The following ABI3BP variants were observed in gnomAD, a reference collection of about 807,000 sequenced individuals.
ABI3BP encodes ABI family member 3 binding protein.
ABI3BP carries 216 observed loss-of-function variants against 268.6 expected under a neutral mutation model. That is an observed-to-expected ratio of 0.80 (90% CI 0.72 to 0.90). The LOEUF (loss-of-function observed/expected upper bound fraction) is 0.90, where lower values mean the gene tolerates loss of function less well. ABI3BP is among the 40% of genes least tolerant of loss of function. The pLI, the probability that ABI3BP is intolerant of heterozygous loss-of-function variation, is 0.00. For missense variants in ABI3BP, 2,090 were observed against 2,182.4 expected, an observed-to-expected ratio of 0.96 and a Z score of 0.84; for synonymous variants, 730 against 730.0, an observed-to-expected ratio of 1.00 and a Z score of 0.00.
chr3:100,844,780 A>G (rs1448474164), intron 20 of ABI3BP, among the ~76,000 whole-genome samples: 1 of 152,194 alleles, frequency 6.6e-6, no homozygotes, highest in Non-Finnish European at 1.5e-5. Flanking sequence ...TTAGAGGAAA[A>G]GGGGTGGATT....
At chr3:100,898,931 C>T (rs1192722162) in intron 3 of ABI3BP, 37 bp from the exon 4 acceptor site, 1 of 1,549,442 alleles carries the variant, frequency 6.5e-7, no homozygotes, top group Non-Finnish European at 8.7e-7. Context: ...ATTCAGGAGA[C>T]ATTTAGTAAG....
chr3:100,778,259 A>G (rs2150195835), intron 59 of ABI3BP, 25 bp downstream of exon 59: 2 of 1,606,734 alleles, frequency 1.2e-6, no homozygotes, highest in Non-Finnish European at 1.7e-6. Flanking sequence ...CATGGCGGGA[A>G]AAGGAAGGTA....
chr3:100,910,547 T>A (rs73143026), intron 2 of ABI3BP, among the ~76,000 whole-genome samples: 37,442 of 150,082 alleles, frequency 0.25, 5,185 homozygotes, highest in Non-Finnish European at 0.33. Flanking sequence ...CCTTTTTTTT[T>A]AAAAAAAAAA....
intron 63 of ABI3BP, among the ~76,000 whole-genome samples, chr3:100,759,470 G>A (rs1376375859): frequency 3.3e-5 from 5 of 152,066 alleles, no homozygotes; most frequent in African/African-American, 9.7e-5. Flanking sequence ...ACAAAATAAG[G>A]CTAAATCAGG....
In ABI3BP at chr3:100,752,921, C is replaced by G; in HGVS notation, c.4988G>C (p.Arg1663Thr). The G allele has an allele frequency of 6.2e-7, 1 of 1,613,132 alleles. No homozygotes were observed. Among genetic ancestry groups the G allele is most frequent in the South Asian group, 1.1e-5 (1 of 91,004 alleles). ...TGAGTAAGAGTCTGAATTAAAGGGT[C>G]TTTCAGTCCAGATGGCATCTCTTCC... is the stretch of plus-strand genomic sequence containing the variant. ...SAGRDAIWTE[R>T]PFNSDSYSEC... Residue 1663 changes from arginine (R) to threonine (T), a missense_variant, in exon 66 of 68, where the codon AGA becomes ACA. Transcript: ENST00000471714.
chr3:100,973,425 C>T (rs997755914), intron 1 of ABI3BP, among the ~76,000 whole-genome samples: 1 of 152,064 alleles, frequency 6.6e-6, no homozygotes, highest in Non-Finnish European at 1.5e-5. Context: ...TAATGAGAAT[C>T]GACTGTATTA....
rs572880939 is a variant in ABI3BP at position 100,894,687 on chromosome 3, C to T, written c.461+4075G>A. ...GGGCGCGGTGGCTCACGCCTGTAAT[C>T]CCAGCACTTTGGGAGGCCAAGGAGG... On this transcript the variant is annotated intron_variant, in intron 4 of 67. Coordinates refer to ENST00000471714, the MANE Select transcript of ABI3BP (RefSeq NM_001375547.2). 1.3e-3 allele frequency among the ~76,000 whole-genome samples: 191 copies of T among 151,990 alleles called. 1 individual carries two copies. Among genetic ancestry groups the T allele is most frequent in the Middle Eastern group, 3.4e-3 (1 of 294 alleles).
chr3:100,752,406 G>A (rs2095386395), intron 66 of ABI3BP: 1 of 169,978 alleles, frequency 5.9e-6, no homozygotes, highest in African/African-American at 2.4e-5. Context: ...GCAGGGGGTT[G>A]TAGCTCTTCT....
intron 29 of ABI3BP, 125 bp downstream of exon 29, chr3:100,834,559 C>G: frequency 2.5e-6 from 2 of 800,788 alleles, no homozygotes; most frequent in South Asian, 3.4e-5. Context: ...TTGGTAGCAG[C>G]TGCTTTCCAT....
intron 9 of ABI3BP, among the ~76,000 whole-genome samples, chr3:100,873,341 A>G (rs1425502957): frequency 6.6e-6 from 1 of 152,156 alleles, no homozygotes; most frequent in African/African-American, 2.4e-5. Flanking sequence ...TTCCCTAAAG[A>G]AGAAAATTGG....
chr3:100,870,366 T>G (rs2099097684), intron 9 of ABI3BP, among the ~76,000 whole-genome samples: 1 of 151,428 alleles, frequency 6.6e-6, no homozygotes, highest in African/African-American at 2.4e-5. Context: ...ATAACCTAAT[T>G]AAAACATGGG....
chr3:100,829,288 T>C (rs1209306058), intron 33 of ABI3BP, among the ~76,000 whole-genome samples: 2 of 152,190 alleles, frequency 1.3e-5, no homozygotes, highest in African/African-American at 4.8e-5. Context: ...GTGACTCCTA[T>C]AGTTAACAAG....
At chr3:100,877,557 C>T (rs1262339704) in intron 6 of ABI3BP, among the ~76,000 whole-genome samples, 2 of 152,098 alleles carry the variant, frequency 1.3e-5, no homozygotes, top group Non-Finnish European at 2.9e-5. Flanking sequence ...GTAGCCTGAC[C>T]TAGGGATGGG....
intron 14 of ABI3BP, among the ~76,000 whole-genome samples, chr3:100,860,252 T>G (rs1216089879): frequency 1.3e-5 from 2 of 152,180 alleles, no homozygotes; most frequent in Non-Finnish European, 2.9e-5. Context: ...GACATAAAAA[T>G]TAACTGTTAT....
At chr3:100,829,938 C>T (rs1436351098) in intron 32 of ABI3BP, among the ~76,000 whole-genome samples, 4 of 150,778 alleles carry the variant, frequency 2.7e-5, no homozygotes, top group African/African-American at 7.3e-5. Flanking sequence ...TGAGTTATGG[C>T]GGTGATGGGG....
chr3:100,989,590 C>T (rs1367280792), intron 1 of ABI3BP, among the ~76,000 whole-genome samples: 2 of 152,210 alleles, frequency 1.3e-5, no homozygotes, highest in African/African-American at 4.8e-5. Context: ...TGCCCTCTGG[C>T]CATCAGATTA....
intron 2 of ABI3BP, among the ~76,000 whole-genome samples, chr3:100,909,972 A>G (rs1384286231): frequency 5.3e-5 from 8 of 152,348 alleles, no homozygotes; most frequent in Non-Finnish European, 7.3e-5. Context: ...ATGCACATGT[A>G]TGTTTATTGC....
At position 100,848,853 on chromosome 3, in the gene ABI3BP, G is replaced by A. The variant is rs1347130148; in HGVS notation, c.1524C>T (p.Ile508=). The A allele has an allele frequency of 6.2e-7, 1 of 1,613,140 alleles. No homozygotes were observed. Among genetic ancestry groups the A allele is most frequent in the Non-Finnish European group, 8.5e-7 (1 of 1,179,304 alleles). The part of the protein sequence containing the change: ...TTPAPQQTTS[I]PSTPKRRPRP... ...GGGGGCGTCGTTTAGGTGTAGAAGG[G>A]ATAGATGTAGTTTGCTGGGGAGCTG... Residue 508 remains isoleucine (I), a synonymous_variant, in exon 18 of 68, where the codon ATC becomes ATT. Coordinates refer to ENST00000471714, the MANE Select transcript of ABI3BP (RefSeq NM_001375547.2).
At chr3:100,818,017 TAA>T (rs1479878544) in intron 41 of ABI3BP, among the ~76,000 whole-genome samples, 1 of 152,174 alleles carries the variant, frequency 6.6e-6, no homozygotes, top group Non-Finnish European at 1.5e-5. Context: ...TAGAGATGAA[TAA>T]AGAGTCAGTC....
Sources: gnomAD v4.1 joint callset for allele counts (sites outside exome capture counted in the v4.1 genomes callset) on GRCh38, gnomAD v4.1.1 for gene constraint, MANE v1.5 for transcripts, NCBI Gene and HGNC (gene_info 2026-07-23, HGNC 2026-07-21) for gene names.